Variants in TBC1D7 observed in about 807,000 individuals in gnomAD.
TBC1D7 encodes the protein TBC1 domain family member 7.
In TBC1D7, 33 loss-of-function variants were observed where a neutral mutation model predicts 35.3. That is an observed-to-expected ratio of 0.93 (90% confidence interval 0.71 to 1.25). TBC1D7 has a LOEUF of 1.25. TBC1D7 is among the 50% of genes most tolerant of loss of function. The pLI is 0.00. For synonymous variants in TBC1D7, 135 were observed against 129.5 expected, an observed-to-expected ratio of 1.04 and a Z score of -0.29; for missense variants, 362 against 365.3, an observed-to-expected ratio of 0.99 and a Z score of 0.07.
intron 5 of TBC1D7, among the ~76,000 whole-genome samples, chr6:13,315,010 C>T (rs1389010662): frequency 6.6e-6 from 1 of 152,212 alleles, no homozygotes. Context: ...CTGCCACACT[C>T]CCATGTGCCC....
intron 2 of TBC1D7, among the ~76,000 whole-genome samples, chr6:13,325,874 G>A (rs1233781447): frequency 6.6e-6 from 1 of 152,154 alleles, no homozygotes; most frequent in African/African-American, 2.4e-5. Flanking sequence ...TAGCTATTAA[G>A]TGGTACAGTC....
At chr6:13,312,695 A>C (rs1341156968) in intron 5 of TBC1D7, among the ~76,000 whole-genome samples, 1 of 149,532 alleles carries the variant, frequency 6.7e-6, no homozygotes, top group Non-Finnish European at 1.5e-5. Context: ...CCATCTCAGA[A>C]AAAAAAAAAA....
In TBC1D7 at chr6:13,318,402, T is replaced by C. The variant is rs530958582; in HGVS notation, c.382-1694A>G. ...GGAACACAGACAAGCTGAGTAGCGG[T>C]GAGGCGGAACCTATACCCTGTCATC... On this transcript the variant is annotated intron_variant, in intron 4 of 7. Transcript: ENST00000379300. Among the ~76,000 whole-genome samples, 16 of 152,288 alleles carry C rather than the reference T, an allele frequency of 1.1e-4. No homozygotes were observed. In the South Asian group the frequency reaches 3.3e-3, roughly 32 times the overall value.
At chr6:13,312,562 C>T (rs1447711457) in intron 5 of TBC1D7, among the ~76,000 whole-genome samples, 1 of 151,710 alleles carries the variant, frequency 6.6e-6, no homozygotes, top group Admixed American at 6.6e-5. Flanking sequence ...GTGCCACACT[C>T]GTGCCTGTAG....
chr6:13,327,263 C>T (rs1459102441), intron 1 of TBC1D7, among the ~76,000 whole-genome samples: 1 of 152,140 alleles, frequency 6.6e-6, no homozygotes. Context: ...GAAATGGAAG[C>T]CAGGCAAGAT....
chr6:13,313,272 T>C (rs1273348908), intron 5 of TBC1D7, among the ~76,000 whole-genome samples: 1 of 152,176 alleles, frequency 6.6e-6, no homozygotes, highest in Non-Finnish European at 1.5e-5. Context: ...AATAGCCATA[T>C]GCAAACATAC....
chr6:13,324,969 T>A (rs911999810), intron 3 of TBC1D7, 125 bp downstream of exon 3: 1 of 649,830 alleles, frequency 1.5e-6, no homozygotes, highest in Non-Finnish European at 2.6e-6. Context: ...TTGAACCTCC[T>A]GGGGAAGATC....
intron 5 of TBC1D7, among the ~76,000 whole-genome samples, chr6:13,314,284 T>G: frequency 6.6e-6 from 1 of 151,722 alleles, no homozygotes; most frequent in East Asian, 1.9e-4. Context: ...ACCAAGCTAA[T>G]GACAAATGTT....
chr6:13,325,698 C>T (rs1784359769), intron 2 of TBC1D7, among the ~76,000 whole-genome samples: 1 of 152,198 alleles, frequency 6.6e-6, no homozygotes, highest in African/African-American at 2.4e-5. Context: ...TTGCATTTTA[C>T]AGCATTGGAG....
Position 13,314,540 on chromosome 6 carries a change from T to C in TBC1D7, c.519+2031A>G, listed in dbSNP as rs143792657. Among the ~76,000 whole-genome samples the C allele has an allele frequency of 2.3e-4, 35 of 152,350 alleles. No individual in the cohort carries two copies. The East Asian group carries it at 6.7e-3, about 29-fold the overall frequency. On this transcript the variant is annotated intron_variant, in intron 5 of 7. Coordinates refer to ENST00000379300, the MANE Select transcript of TBC1D7 (RefSeq NM_016495.6). ...ATGATATAACTGAGACCTCCTGATT[T>C]GATTAGGCAACTGACATATTTACTT...
Position 13,305,203 on chromosome 6 carries a change from T to C in TBC1D7, c.796-16A>G. 1 of 1,613,796 alleles carries C rather than the reference T, an allele frequency of 6.2e-7. No individual in the cohort carries two copies. Among genetic ancestry groups the C allele is most frequent in the South Asian group, 1.1e-5 (1 of 91,076 alleles). Reference sequence around the variant, plus strand: ...CCTGGGGAATCTGTGGGCAAGCAAATCAGTCTTTGTGAAATTTCAGTGTTG... The same window carrying C: ...CCTGGGGAATCTGTGGGCAAGCAAACCAGTCTTTGTGAAATTTCAGTGTTG... On this transcript the variant is annotated splice_polypyrimidine_tract_variant and intron_variant, in intron 7 of 7. Coordinates refer to ENST00000379300, the MANE Select transcript of TBC1D7 (RefSeq NM_016495.6).
rs1189906299 is a variant in TBC1D7, at chr6:13,305,193, G to A, written c.796-6C>T. On this transcript the variant is annotated splice_polypyrimidine_tract_variant and splice_region_variant and intron_variant, in intron 7 of 7. Coordinates refer to ENST00000379300, the MANE Select transcript of TBC1D7 (RefSeq NM_016495.6). ...TCTGAGCTGTCCTGGGGAATCTGTG[G>A]GCAAGCAAATCAGTCTTTGTGAAAT... 1 of 1,614,096 alleles carries A rather than the reference G, an allele frequency of 6.2e-7. No homozygotes were observed.
chr6:13,324,483 C>T (rs1245109626), intron 3 of TBC1D7, among the ~76,000 whole-genome samples: 1 of 152,156 alleles, frequency 6.6e-6, no homozygotes, highest in Non-Finnish European at 1.5e-5. Context: ...GAATTATATG[C>T]TCCAGCAGGC....
intron 3 of TBC1D7, chr6:13,323,760 G>A (rs1032930623): frequency 6.6e-5 from 10 of 152,228 alleles, no homozygotes; most frequent in African/African-American, 2.4e-4. Context: ...ACCAGACAGG[G>A]CTGCAGGCTT....
chr6:13,321,805 A>G (rs762079471), intron 3 of TBC1D7, among the ~76,000 whole-genome samples: 2 of 152,226 alleles, frequency 1.3e-5, no homozygotes, highest in Admixed American at 6.5e-5. Context: ...CACCTGCCAG[A>G]GGCAGGAAAT....
intron 1 of TBC1D7, among the ~76,000 whole-genome samples, chr6:13,327,340 T>C (rs1455661220): frequency 6.6e-6 from 1 of 152,256 alleles, no homozygotes. Flanking sequence ...ACAAATTTCA[T>C]GTATTTTAAA....
Position 13,305,032 on chromosome 6 carries a change from C to T in TBC1D7, c.*69G>A, listed in dbSNP as rs1782714014. On this transcript the variant is annotated 3_prime_UTR_variant, in exon 8 of 8. Coordinates refer to ENST00000379300, the MANE Select transcript of TBC1D7 (RefSeq NM_016495.6). The stretch of plus-strand genomic sequence containing the variant: ...AAAGTGTATTATTCAATCAGTTTCC[C>T]AGATCACATGCCAAGAACACAATGC... 8.5e-6 allele frequency: 11 copies of T among 1,296,586 alleles called. No homozygotes were observed. The highest frequency in any genetic ancestry group is 1.2e-5 in the Non-Finnish European group (11 of 939,816). 80.3% of individuals were successfully genotyped at this position (1,296,586 alleles called of 1,614,324 possible). A position where few individuals can be genotyped will look rare whatever the true frequency, so the allele number is the denominator to read the frequency against.
At chr6:13,305,385 T>C (rs1782740360) in intron 7 of TBC1D7, among the ~76,000 whole-genome samples, 198 bp from the exon 8 acceptor site, 2 of 152,208 alleles carry the variant, frequency 1.3e-5, no homozygotes, top group South Asian at 4.1e-4. Context: ...GTTCAAATCC[T>C]GCACTGCTCA....
chr6:13,305,069 C>T lies in TBC1D7; in HGVS notation c.*32G>A. 1.3e-6 allele frequency: 2 copies of T among 1,546,632 alleles called. No individual in the cohort carries two copies. The highest frequency in any genetic ancestry group is 8.8e-7 in the Non-Finnish European group (1 of 1,134,338). ...CAAGAACACAATGCTCACTGTGGTGCCTGGCAGACGGTCCACAACCAGCGG... is the reference window on the plus strand; with the variant it reads ...CAAGAACACAATGCTCACTGTGGTGTCTGGCAGACGGTCCACAACCAGCGG... On this transcript the variant is annotated 3_prime_UTR_variant, in exon 8 of 8. Transcript: ENST00000379300.
Sources: allele counts gnomAD v4.1 joint callset (sites outside exome capture counted in the v4.1 genomes callset), GRCh38; gene constraint gnomAD v4.1.1; transcripts MANE v1.5; gene names NCBI Gene and HGNC (gene_info 2026-07-23, HGNC 2026-07-21).